The following SLC20A2 variants were observed in gnomAD, a reference collection of about 807,000 sequenced individuals.
The protein encoded by SLC20A2 is sodium-dependent phosphate transporter 2.
SLC20A2 carries 30 observed loss-of-function variants against 61.0 expected under a neutral mutation model. That is an observed-to-expected ratio of 0.49 (90% CI 0.37 to 0.67). SLC20A2 has a LOEUF of 0.67. Among genes scored for constraint, SLC20A2 ranks in the 30% least tolerant of loss-of-function variants. The pLI is 0.00. For synonymous variants in SLC20A2, 351 were observed against 353.3 expected (o/e 0.99, Z 0.07); for missense variants, 626 against 866.4 (o/e 0.72, Z 3.48).
intron 10 of SLC20A2, chr8:42,419,797 G>C: frequency 3.7e-6 from 1 of 273,746 alleles, no homozygotes; most frequent in Non-Finnish European, 5.6e-6. Flanking sequence ...ACAAAAAGAT[G>C]CACTGTTGCT....
chr8:42,521,957 C>G lies in SLC20A2; in HGVS notation c.-265+19864G>C, dbSNP rs1002156568. 1.5e-4 allele frequency among the ~76,000 whole-genome samples: 18 copies of G among 121,484 alleles called. 4 individuals are homozygous for G. Among genetic ancestry groups the G allele is most frequent in the African/African-American group, 2.8e-4 (11 of 39,536 alleles). The allele number at this position is 121,484 out of a possible 152,430, so 79.7% of individuals were successfully genotyped here. A position where few individuals can be genotyped will look rare whatever the true frequency, so the allele number is the denominator to read the frequency against. The stretch of plus-strand genomic sequence containing the variant: ...CAATTTTCTGGGTTTTTGGGGAAAA[C>G]TGAGTAGAGGGTAAACAGGACCTCT... On this transcript the variant is annotated intron_variant, in intron 1 of 10. Transcript: ENST00000342228.
chr8:42,455,273 G>T (rs1287607518), intron 5 of SLC20A2, among the ~76,000 whole-genome samples: 5 of 146,094 alleles, frequency 3.4e-5, no homozygotes, highest in South Asian at 4.4e-4. Flanking sequence ...GAGAGAGAGA[G>T]AGAGAGAGAG....
rs1274814812 is a variant in SLC20A2, at chr8:42,437,176, C to T, written c.1336G>A (p.Glu446Lys). 1 of 1,613,610 alleles carries T rather than the reference C, an allele frequency of 6.2e-7. No individual in the cohort carries two copies. Among genetic ancestry groups the T allele is most frequent in the Non-Finnish European group, 8.5e-7 (1 of 1,180,022 alleles). ...ATCTCCACGCCGCCCTCCTCCGCCT[C>T]GATCTCCGCCTCTGCCACCGCGTTA... Reference protein sequence around the residue: ...YCNAVAEAEIEAEEGGVEMKL... With the variant: ...YCNAVAEAEIKAEEGGVEMKL... Residue 446 changes from glutamate (E) to lysine (K), a missense_variant, in exon 8 of 11, where the codon GAG (glutamate) becomes AAG (lysine). Transcript: ENST00000520262. This position sits in a 1 kb window ranked among gnomAD's most constrained non-coding sequence, Gnocchi z 6.4.
At chr8:42,436,237 C>T (rs2130997886) in intron 8 of SLC20A2, among the ~76,000 whole-genome samples, 1 of 152,256 alleles carries the variant, frequency 6.6e-6, no homozygotes, top group African/African-American at 2.4e-5. Context: ...TGCCCCAGTG[C>T]TCCTCCACCC....
chr8:42,446,434 G>C (rs190315166), intron 5 of SLC20A2, among the ~76,000 whole-genome samples: 42 of 152,274 alleles, frequency 2.8e-4, no homozygotes, highest in Admixed American at 2.0e-3. Flanking sequence ...CTCACAGGTA[G>C]TTATGCAAGA....
At chr8:42,509,378 A>G (rs979724266) in intron 1 of SLC20A2, among the ~76,000 whole-genome samples, 9 of 152,166 alleles carry the variant, frequency 5.9e-5, no homozygotes, top group Non-Finnish European at 1.2e-4. Context: ...TCCTTCCTCT[A>G]CTTTCACACT....
intron 1 of SLC20A2, among the ~76,000 whole-genome samples, chr8:42,525,581 CAAAAAAAAAA>C (rs34356863): frequency 1.0e-4 from 7 of 68,724 alleles, no homozygotes; most frequent in Admixed American, 1.8e-4. Context: ...GACTCTGTCT[CAAAAAAAAAA>C]AAAAAAAAAA....
intron 8 of SLC20A2, among the ~76,000 whole-genome samples, chr8:42,435,494 G>C (rs960190293): frequency 1.3e-5 from 2 of 152,152 alleles, no homozygotes; most frequent in African/African-American, 2.4e-5. Flanking sequence ...ATTGGGAAAC[G>C]GAGACTTCGG....
At chr8:42,511,899 C>A (rs901796112) in intron 1 of SLC20A2, among the ~76,000 whole-genome samples, 2 of 151,946 alleles carry the variant, frequency 1.3e-5, no homozygotes, top group African/African-American at 4.8e-5. Flanking sequence ...AACCATAAAA[C>A]CAAACCCAGA....
chr8:42,463,688 G>C, intron 3 of SLC20A2, among the ~76,000 whole-genome samples: 1 of 152,082 alleles, frequency 6.6e-6, no homozygotes, highest in Non-Finnish European at 1.5e-5. Context: ...TTTGGGCATT[G>C]GTATTTTTCA....
rs575833218 is a variant in SLC20A2 at position 42,540,552 on chromosome 8, C to T, written c.-265+1269G>A. Reference sequence around the variant, plus strand: ...ATACATATAAATACCGTAAATTAAGCTAGTATGTTATTGCGTAAAGTAATG... The same window carrying T: ...ATACATATAAATACCGTAAATTAAGTTAGTATGTTATTGCGTAAAGTAATG... On this transcript the variant is annotated intron_variant, in intron 1 of 10. Transcript: ENST00000342228. 2.0e-5 allele frequency among the ~76,000 whole-genome samples: 3 copies of T among 152,072 alleles called. No individual in the cohort carries two copies. The South Asian group carries it at 6.2e-4, about 32-fold the overall frequency.
chr8:42,456,741 A>AG (rs1356196442), intron 5 of SLC20A2, among the ~76,000 whole-genome samples: 3 of 150,998 alleles, frequency 2.0e-5, no homozygotes, highest in Non-Finnish European at 4.4e-5. Flanking sequence ...CAAAAAAAAA[A>AG]AAAAAAAAAA....
At chr8:42,464,556 T>A (rs1429763390) in intron 3 of SLC20A2, among the ~76,000 whole-genome samples, 1 of 152,154 alleles carries the variant, frequency 6.6e-6, no homozygotes, top group Non-Finnish European at 1.5e-5. Flanking sequence ...GACTTCAGTC[T>A]AACACATTTC....
At chr8:42,477,921 C>G (rs1332652542) in intron 1 of SLC20A2, among the ~76,000 whole-genome samples, 1 of 150,990 alleles carries the variant, frequency 6.6e-6, no homozygotes, top group Admixed American at 6.6e-5. Flanking sequence ...GAGCCTCACT[C>G]TGTTACCAGA....
chr8:42,484,740 G>T lies in SLC20A2; in HGVS notation c.-264-12086C>A, dbSNP rs1017970181. The T allele has an allele frequency of 1.7e-5, 6 of 360,092 alleles. No homozygotes were observed. In the East Asian group the frequency reaches 4.4e-4, roughly 26 times the overall value. 22.3% of individuals were successfully genotyped at this position (360,092 alleles called of 1,614,324 possible). A position where few individuals can be genotyped will look rare whatever the true frequency, so the allele number is the denominator to read the frequency against. ...ATGGCTGGCAGCCACCATGATCCAAGAGAGCCTGACTTGGGAGGGCAGCCA... is the reference window on the plus strand; with the variant it reads ...ATGGCTGGCAGCCACCATGATCCAATAGAGCCTGACTTGGGAGGGCAGCCA... On this transcript the variant is annotated intron_variant, in intron 1 of 10. Transcript: ENST00000520262.
chr8:42,500,156 T>G (rs1286325606), intron 1 of SLC20A2, among the ~76,000 whole-genome samples: 1 of 152,240 alleles, frequency 6.6e-6, no homozygotes, highest in Non-Finnish European at 1.5e-5. Context: ...AGAACTGTTT[T>G]ATTAATAACA....
chr8:42,511,758 G>T (rs931365004), intron 1 of SLC20A2, among the ~76,000 whole-genome samples: 2 of 151,934 alleles, frequency 1.3e-5, no homozygotes, highest in East Asian at 3.9e-4. Flanking sequence ...ACTTCCACAG[G>T]TCTCTTGATA....
In SLC20A2 at chr8:42,455,521, G is replaced by A. The variant is rs146347633; in HGVS notation, c.613+4375C>T. On this transcript the variant is annotated intron_variant, in intron 5 of 10. Coordinates refer to ENST00000520262, the MANE Select transcript of SLC20A2 (RefSeq NM_001257180.2). ...TAAAAATACAAAAAATTAGCCGGGT[G>A]TGGTGGTGGGCCCCTGTAGTCCCAA... Among the ~76,000 whole-genome samples the A allele has an allele frequency of 8.5e-3, 1,294 of 151,814 alleles. 59 individuals carry two copies. Among genetic ancestry groups the A allele is most frequent in the Admixed American group, 0.069 (1,056 of 15,238 alleles).
chr8:42,506,862 G>C (rs1212751465), intron 1 of SLC20A2, among the ~76,000 whole-genome samples: 1 of 152,216 alleles, frequency 6.6e-6, no homozygotes, highest in African/African-American at 2.4e-5. Context: ...TTGGCCAGTA[G>C]GACAACAGCA....
Sources: gnomAD v4.1 joint callset for allele counts (sites outside exome capture counted in the v4.1 genomes callset) on GRCh38, gnomAD v4.1.1 for gene constraint, Gnocchi (gnomAD v3.1) non-coding constraint, MANE v1.5 for transcripts, NCBI Gene and HGNC (gene_info 2026-07-23, HGNC 2026-07-21) for gene names.